Variants in ST3GAL3 observed in about 807,000 individuals in gnomAD.
ST3GAL3 encodes the protein CMP-N-acetylneuraminate-beta-1,4-galactoside alpha-2,3-sialyltransferase.
ST3GAL3 carries 21 observed loss-of-function variants against 50.1 expected under a neutral mutation model. The ratio of observed to expected loss-of-function variants is 0.42; its 90% CI spans 0.30 to 0.60. ST3GAL3 has a LOEUF of 0.60. ST3GAL3 is among the 20% of genes least tolerant of loss of function. ST3GAL3 has a pLI of 0.19. For missense variants in ST3GAL3, 353 were observed against 489.4 expected (o/e 0.72, Z 2.63); for synonymous variants, 183 against 190.0 (o/e 0.96, Z 0.30).
At chr1:43,807,476 G>T (rs1365741790) in intron 3 of ST3GAL3, among the ~76,000 whole-genome samples, 1 of 147,710 alleles carries the variant, frequency 6.8e-6, no homozygotes, top group Non-Finnish European at 1.5e-5. Context: ...CTATAGGCCA[G>T]GTCTTGGGGG....
At chr1:43,844,022 A>G (rs562906961) in intron 5 of ST3GAL3, among the ~76,000 whole-genome samples, 1 of 152,358 alleles carries the variant, frequency 6.6e-6, no homozygotes, top group African/African-American at 2.4e-5. Flanking sequence ...TTGCTAGAGC[A>G]GCTCACAGAA....
chr1:43,910,778 A>G (rs2080671206), intron 9 of ST3GAL3, among the ~76,000 whole-genome samples: 1 of 152,252 alleles, frequency 6.6e-6, no homozygotes, highest in African/African-American at 2.4e-5. Context: ...TGAATTAAAA[A>G]TAATTCAGTA....
intron 3 of ST3GAL3, among the ~76,000 whole-genome samples, chr1:43,806,937 T>C (rs1023120353): frequency 6.6e-5 from 10 of 152,306 alleles, no homozygotes; most frequent in Non-Finnish European, 1.5e-4. Flanking sequence ...GCGATCTGCC[T>C]GCCTTGGCCT....
Position 43,792,021 on chromosome 1 carries a change from A to G in ST3GAL3, c.119-81A>G, listed in dbSNP as rs542313766. On this transcript the variant is annotated intron_variant, in intron 2 of 11. Transcript: ENST00000347631. ...CTTCCAGTTGACTCTGCTTTGAGGGAGGGTTTGGGCAGAGCCAGTGGGAGC... is the reference window on the plus strand; with the variant it reads ...CTTCCAGTTGACTCTGCTTTGAGGGGGGGTTTGGGCAGAGCCAGTGGGAGC... The G allele has an allele frequency of 1.1e-4, 165 of 1,529,582 alleles. 1 individual carries two copies. In the African/African-American group the frequency reaches 2.1e-3, roughly 19 times the overall value. The allele number at this position is 1,529,582 out of a possible 1,614,324, so 94.8% of individuals were successfully genotyped here. A position where few individuals can be genotyped will look rare whatever the true frequency, so the allele number is the denominator to read the frequency against.
chr1:43,764,761 G>A (rs1365347594), intron 2 of ST3GAL3, among the ~76,000 whole-genome samples: 1 of 152,214 alleles, frequency 6.6e-6, no homozygotes, highest in Non-Finnish European at 1.5e-5. Flanking sequence ...CCCAGGAAGG[G>A]GCATGGCCGT....
chr1:43,858,779 G>A (rs1051101360), intron 5 of ST3GAL3, among the ~76,000 whole-genome samples: 1 of 152,186 alleles, frequency 6.6e-6, no homozygotes, highest in Non-Finnish European at 1.5e-5. Context: ...TGCACCTGGG[G>A]AGACAGGTCA....
At chr1:43,816,778 G>C (rs984586273) in intron 4 of ST3GAL3, among the ~76,000 whole-genome samples, 2 of 152,238 alleles carry the variant, frequency 1.3e-5, no homozygotes, top group East Asian at 3.9e-4. Context: ...GAGTTAACTT[G>C]GTCTTTAGCA....
At chr1:43,718,521 G>GT (rs11420276) in intron 1 of ST3GAL3, among the ~76,000 whole-genome samples, 37,793 of 149,998 alleles carry the variant, frequency 0.25, 4,991 homozygotes, top group Non-Finnish European at 0.3. Context: ...TCTTGCTTGA[G>GT]TTTTTTTTTA....
Position 43,899,044 on chromosome 1 carries a change from T to C in ST3GAL3, c.462-124T>C, listed in dbSNP as rs1010243251. 1.5e-6 allele frequency: 2 copies of C among 1,348,784 alleles called. No individual in the cohort carries two copies. Among genetic ancestry groups the C allele is most frequent in the East Asian group, 2.5e-5 (1 of 40,408 alleles). The allele number at this position is 1,348,784 out of a possible 1,614,324, so 83.6% of individuals were successfully genotyped here. ...TCTCAGAAATGCTGCCAGAAGCCCA[T>C]TGGTCTTCTTCCTCTATCCCAGCCT... is the stretch of plus-strand genomic sequence containing the variant. On this transcript the variant is annotated intron_variant, in intron 7 of 11. Transcript: ENST00000347631. This position sits in a 1 kb window ranked among gnomAD's most constrained non-coding sequence, Gnocchi z 5.4.
intron 5 of ST3GAL3, among the ~76,000 whole-genome samples, chr1:43,866,218 G>A (rs1434056941): frequency 6.6e-6 from 1 of 152,238 alleles, no homozygotes; most frequent in Non-Finnish European, 1.5e-5. Context: ...GGGAGGATCT[G>A]TAACAGAGAA....
Position 43,894,428 on chromosome 1 carries a change from G to C in ST3GAL3, c.348G>C (p.Lys116Asn), listed in dbSNP as rs1365012948. ...TGTTCCTGGATGACTCCTTTCGCAA[G>C]TGGGCTAGAATCCGGGAGTTCGTGC... ...APMFLDDSFRKWARIREFVPP... is the reference protein window; with the variant it reads ...APMFLDDSFRNWARIREFVPP... The change falls in exon 6 of 12, where the codon AAG (lysine) becomes AAC (asparagine). Residue 116 changes from lysine to asparagine, a missense_variant. Transcript: ENST00000347631. 1.2e-6 allele frequency: 2 copies of C among 1,614,186 alleles called. No individual in the cohort carries two copies. Among genetic ancestry groups the C allele is most frequent in the Admixed American group, 3.3e-5 (2 of 60,022 alleles).
At chr1:43,850,998 G>T in intron 5 of ST3GAL3, 1 of 863,348 alleles carries the variant, frequency 1.2e-6, no homozygotes. Flanking sequence ...GGTGGTGGCA[G>T]TGTTCAAATG....
At chr1:43,794,466 A>G (rs1345117784) in intron 3 of ST3GAL3, among the ~76,000 whole-genome samples, 2 of 152,240 alleles carry the variant, frequency 1.3e-5, no homozygotes, top group African/African-American at 4.8e-5. Context: ...TTGTTGGAGC[A>G]TAATTTGGTA....
rs77702829 is a variant in ST3GAL3, at chr1:43,732,453, G to C, written c.-30-3780G>C. The stretch of plus-strand genomic sequence containing the variant: ...TCCAGCCAGCTCTTGCTGGGCTCCA[G>C]TGACACCCTTCTCTTCTTTTGCCCT... On this transcript the variant is annotated intron_variant, in intron 1 of 11. Coordinates refer to ENST00000347631, the MANE Select transcript of ST3GAL3 (RefSeq NM_006279.5). Among the ~76,000 whole-genome samples the C allele has an allele frequency of 9.5e-3, 1,453 of 152,318 alleles. 27 individuals are homozygous for C. Among genetic ancestry groups the C allele is most frequent in the African/African-American group, 0.034 (1,418 of 41,572 alleles).
intron 3 of ST3GAL3, among the ~76,000 whole-genome samples, chr1:43,812,867 C>T (rs2060721354): frequency 7.0e-6 from 1 of 142,130 alleles, no homozygotes; most frequent in Admixed American, 7.0e-5. Context: ...ATTTAATATG[C>T]AGTGTGTGCG....
rs548363484 is a variant in ST3GAL3 at position 43,776,217 on chromosome 1, C to T, written c.119-15885C>T. Among the ~76,000 whole-genome samples, 3 of 152,272 alleles carry T rather than the reference C, an allele frequency of 2.0e-5. No individual in the cohort carries two copies. In the East Asian group the frequency reaches 5.8e-4, roughly 29 times the overall value. On this transcript the variant is annotated intron_variant, in intron 2 of 11. Transcript: ENST00000347631. Reference sequence around the variant, plus strand: ...CATTTGCCGTCAGGGCCCATTTTCCCTCAGTCACCCGTATCCCTAGGGCAA... The same window carrying T: ...CATTTGCCGTCAGGGCCCATTTTCCTTCAGTCACCCGTATCCCTAGGGCAA...
At chr1:43,828,527 A>G (rs931250925) in intron 4 of ST3GAL3, among the ~76,000 whole-genome samples, 2 of 152,328 alleles carry the variant, frequency 1.3e-5, no homozygotes, top group East Asian at 3.9e-4. Context: ...AGAATATACA[A>G]AGAACTCTTA....
chr1:43,898,179 C>T lies in ST3GAL3; in HGVS notation c.398-56C>T, dbSNP rs2077664755. Reference sequence around the variant, plus strand: ...GTCTTCCAGTAGGATTATCAGTAAACATTTTATAGAAAGGTAAGTGACCCT... The same window carrying T: ...GTCTTCCAGTAGGATTATCAGTAAATATTTTATAGAAAGGTAAGTGACCCT... On this transcript the variant is annotated intron_variant, in intron 6 of 11. Coordinates refer to ENST00000347631, the MANE Select transcript of ST3GAL3 (RefSeq NM_006279.5). 1.2e-5 allele frequency: 19 copies of T among 1,584,410 alleles called. 1 individual carries two copies. In the South Asian group the frequency reaches 2.0e-4, roughly 17 times the overall value.
At chr1:43,912,741 C>CT (rs1336865036) in intron 9 of ST3GAL3, 1 of 152,266 alleles carries the variant, frequency 6.6e-6, no homozygotes, top group African/African-American at 2.4e-5. Context: ...AAAGTGCTTT[C>CT]TTCCCAGATG....
Sources: allele counts gnomAD v4.1 joint callset (sites outside exome capture counted in the v4.1 genomes callset), GRCh38; gene constraint gnomAD v4.1.1; non-coding constraint Gnocchi (gnomAD v3.1); transcripts MANE v1.5; gene names NCBI Gene and HGNC (gene_info 2026-07-23, HGNC 2026-07-21).